U2SURP: variants seen among roughly 807,000 people sequenced by gnomAD.
U2SURP encodes U2 snRNP-associated SURP motif-containing protein.
Under a neutral mutation model 144.9 loss-of-function variants are expected in U2SURP, and 9 were observed. That is an observed-to-expected ratio of 0.06 (90% CI 0.04 to 0.11). U2SURP has a LOEUF of 0.11. U2SURP is among the 10% of genes least tolerant of loss of function. U2SURP has a pLI of 1.00. For missense variants in U2SURP, 724 were observed against 1,226.7 expected, an observed-to-expected ratio of 0.59 and a Z score of 6.12; for synonymous variants, 408 against 396.8, an observed-to-expected ratio of 1.03 and a Z score of -0.33.
intron 14 of U2SURP, 151 bp downstream of exon 14, chr3:143,027,404 A>G: frequency 1.7e-6 from 1 of 589,858 alleles, no homozygotes; most frequent in South Asian, 2.3e-5. Context: ...TCATCTTCCA[A>G]AATGGAAATT....
chr3:143,045,705 A>C (rs988586105), intron 24 of U2SURP, among the ~76,000 whole-genome samples: 3 of 152,166 alleles, frequency 2.0e-5, no homozygotes, highest in Non-Finnish European at 2.9e-5. Flanking sequence ...CCTGTCCTTT[A>C]TGTATTCAGT....
chr3:143,027,000 C>T (rs1933191751), intron 13 of U2SURP, 149 bp from the exon 14 acceptor site: 1 of 612,054 alleles, frequency 1.6e-6, no homozygotes, highest in Non-Finnish European at 2.9e-6. Flanking sequence ...AAGGCATTAA[C>T]ATATGCTCCA....
Position 143,057,302 on chromosome 3 carries a change from GTA to G in U2SURP, c.*854_*855del, listed in dbSNP as rs1935194458. On this transcript the variant is annotated 3_prime_UTR_variant, in exon 28 of 28. Transcript: ENST00000473835. ...CAAGGTTTGGCCATAGAATTCTCTT[GTA>G]TGATCGTTGACCTTTTATAATCTTC... is the stretch of plus-strand genomic sequence containing the variant. 6.6e-6 allele frequency: 1 copy of G among 152,250 alleles called. No homozygotes were observed. The highest frequency in any genetic ancestry group is 2.1e-4 in the South Asian group (1 of 4,834). The allele number at this position is 152,250 out of a possible 1,614,324, so 9.4% of individuals were successfully genotyped here.
chr3:143,046,806 C>G (rs1934491831), intron 24 of U2SURP, among the ~76,000 whole-genome samples: 2 of 131,276 alleles, frequency 1.5e-5, no homozygotes, highest in South Asian at 5.2e-4. Context: ...CCATTGTCAT[C>G]ATGGCCCGTT....
intron 13 of U2SURP, chr3:143,025,775 A>T (rs1933111141): frequency 6.6e-6 from 1 of 151,898 alleles, no homozygotes; most frequent in African/African-American, 2.4e-5. Context: ...CTGTGATGCA[A>T]TTTTTTTTAC....
chr3:143,053,838 T>C, intron 26 of U2SURP, 44 bp downstream of exon 26: 1 of 1,445,298 alleles, frequency 6.9e-7, no homozygotes, highest in Non-Finnish European at 9.3e-7. Context: ...GGTTTCAAGA[T>C]TTGCAGTGGT....
intron 1 of U2SURP, among the ~76,000 whole-genome samples, chr3:143,002,987 T>G (rs779305790): frequency 2.0e-4 from 31 of 152,288 alleles, no homozygotes; most frequent in Non-Finnish European, 3.4e-4. Flanking sequence ...GAACATACCG[T>G]TAGGGAGCTA....
At chr3:143,046,770 TC>T (rs1174997694) in intron 24 of U2SURP, among the ~76,000 whole-genome samples, 2 of 126,482 alleles carry the variant, frequency 1.6e-5, no homozygotes, top group Non-Finnish European at 3.2e-5. Flanking sequence ...TCCCCACCTT[TC>T]CCCCCCTTCT....
At chr3:143,036,942 T>G in intron 20 of U2SURP, 1 of 472,886 alleles carries the variant, frequency 2.1e-6, no homozygotes, top group Admixed American at 3.6e-5. Context: ...ACCAAACTTG[T>G]TTTTGCTCAT....
At position 143,046,951 on chromosome 3, in the gene U2SURP, A is replaced by ACC. The variant is rs71154000; in HGVS notation, c.2544+3676_2544+3677dup. Reference sequence around the variant, plus strand: ...GGGCGGCTGGCCGGGCAGGGGGCTGACCTCCCCCACCTCCCTCCCGGACGG... The same window carrying ACC: ...GGGCGGCTGGCCGGGCAGGGGGCTGACCCCTCCCCCACCTCCCTCCCGGACGG... On this transcript the variant is annotated intron_variant, in intron 24 of 27. Coordinates refer to ENST00000473835, the MANE Select transcript of U2SURP (RefSeq NM_001080415.2). Among the ~76,000 whole-genome samples the ACC allele has an allele frequency of 1.1e-3, 103 of 91,708 alleles. 4 individuals are homozygous for ACC. The highest frequency in any genetic ancestry group is 5.4e-3 in the South Asian group (14 of 2,604). 60.2% of individuals were successfully genotyped at this position (91,708 alleles called of 152,430 possible).
intron 26 of U2SURP, among the ~76,000 whole-genome samples, chr3:143,054,081 TAACAA>T (rs1378542725): frequency 6.6e-6 from 1 of 152,326 alleles, no homozygotes; most frequent in East Asian, 1.9e-4. Flanking sequence ...GAGGTTTAAG[TAACAA>T]AACAACTTGC....
intron 23 of U2SURP, among the ~76,000 whole-genome samples, chr3:143,039,223 T>G (rs1933969089): frequency 6.6e-6 from 1 of 151,888 alleles, no homozygotes; most frequent in African/African-American, 2.4e-5. Flanking sequence ...GTCAACTGCA[T>G]TTTTTTCAAA....
intron 13 of U2SURP, chr3:143,026,851 A>G (rs937607553): frequency 9.8e-5 from 19 of 193,602 alleles, no homozygotes; most frequent in Admixed American, 1.2e-4. Flanking sequence ...TTATAATTTA[A>G]TGTTTTACTT....
intron 13 of U2SURP, chr3:143,026,740 A>T (rs1532588): frequency 0.68 from 102,647 of 151,970 alleles, 34,871 homozygotes; most frequent in African/African-American, 0.75. Flanking sequence ...TTTTTTTTAA[A>T]CTGAGATAGT....
At position 143,014,538 on chromosome 3, in the gene U2SURP, A is replaced by G. The variant is rs573788602; in HGVS notation, c.321+129A>G. Reference sequence around the variant, plus strand: ...ATATTCTCAGGTCCGCCTCTGAGTCAAGTCTGTAATACAACATATATTCCT... The same window carrying G: ...ATATTCTCAGGTCCGCCTCTGAGTCGAGTCTGTAATACAACATATATTCCT... On this transcript the variant is annotated intron_variant, in intron 4 of 27. Transcript: ENST00000473835. The G allele has an allele frequency of 1.7e-3, 909 of 542,424 alleles. 21 individuals carry two copies. In the South Asian group the frequency reaches 0.027, roughly 16 times the overall value. The allele number at this position is 542,424 out of a possible 1,614,324, so 33.6% of individuals were successfully genotyped here.
intron 2 of U2SURP, 63 bp downstream of exon 2, chr3:143,010,922 C>A: frequency 8.3e-7 from 1 of 1,198,190 alleles, no homozygotes. Flanking sequence ...TCATATGTAT[C>A]CCTACATCAA....
rs1260168190 is a variant in U2SURP at position 143,056,707 on chromosome 3, T to C, written c.*257T>C. Reference sequence around the variant, plus strand: ...TCTAATGGATTTCATCAGAAATGTGTATAATGGATCTGCTGACAGTAGTAG... The same window carrying C: ...TCTAATGGATTTCATCAGAAATGTGCATAATGGATCTGCTGACAGTAGTAG... On this transcript the variant is annotated 3_prime_UTR_variant, in exon 28 of 28. Transcript: ENST00000473835. 1 of 359,598 alleles carries C rather than the reference T, an allele frequency of 2.8e-6. No individual in the cohort carries two copies. 22.3% of individuals were successfully genotyped at this position (359,598 alleles called of 1,614,324 possible).
At chr3:143,038,832 GTAC>G (rs1933946872) in intron 22 of U2SURP, 59 bp from the exon 23 acceptor site, 3 of 1,238,684 alleles carry the variant, frequency 2.4e-6, no homozygotes, top group African/African-American at 3.2e-5. Context: ...AGCTTCCACT[GTAC>G]TACTGAAAAA....
intron 3 of U2SURP, among the ~76,000 whole-genome samples, chr3:143,013,681 C>T (rs1306179518): frequency 6.6e-6 from 1 of 151,980 alleles, no homozygotes; most frequent in Non-Finnish European, 1.5e-5. Context: ...TTCTAAGTTA[C>T]ATAAATGAAG....
Sources: gnomAD v4.1 joint callset for allele counts (sites outside exome capture counted in the v4.1 genomes callset) on GRCh38, gnomAD v4.1.1 for gene constraint, MANE v1.5 for transcripts, NCBI Gene and HGNC (gene_info 2026-07-23, HGNC 2026-07-21) for gene names.